The following PCDHA9 variants were observed in gnomAD, a reference collection of about 807,000 sequenced individuals.
PCDHA9 encodes the protein protocadherin alpha 9.
Under a neutral mutation model 62.0 loss-of-function variants are expected in PCDHA9, and 62 were observed. The ratio of observed to expected loss-of-function variants is 1.00; its 90% confidence interval spans 0.81 to 1.23. The LOEUF is 1.23. Among genes scored for constraint, PCDHA9 ranks in the 50% most tolerant of loss-of-function variants. The pLI is 0.00. For missense variants in PCDHA9, 1,205 were observed against 1,249.8 expected (o/e 0.96, Z 0.54); for synonymous variants, 557 against 567.6 (o/e 0.98, Z 0.27).
intron 1 of PCDHA9, chr5:140,864,371 G>C (rs1005201982): frequency 6.6e-6 from 1 of 151,926 alleles, no homozygotes; most frequent in Non-Finnish European, 1.5e-5. Context: ...TTCTATAATC[G>C]ATAAGTTTAT....
Position 141,009,742 on chromosome 5 carries a change from C to A in PCDHA9, c.2658C>A (p.Asp886Glu). 6.2e-7 allele frequency: 1 copy of A among 1,614,160 alleles called. No individual in the cohort carries two copies. Among genetic ancestry groups the A allele is most frequent in the Non-Finnish European group, 8.5e-7 (1 of 1,180,038 alleles). The part of the protein sequence containing the change: ...PKQSGPGELP[D>E]KFIIPGSPAI... ...AATCCGGTCCCGGTGAGTTGCCCGA[C>A]AAATTCATTATCCCAGGATCTCCTG... is the stretch of plus-strand genomic sequence containing the variant. The change falls in exon 4 of 4, where the codon GAC becomes GAA. Residue 886 changes from aspartate to glutamate, a missense_variant. By Grantham distance (45) the Asp-to-Glu change is conservative. Around this residue, in one of 3 missense-constraint regions of PCDHA9, gnomAD observed 887 missense variants for 809.5 expected, o/e 1.10. Coordinates refer to ENST00000532602, the MANE Select transcript of PCDHA9 (RefSeq NM_031857.2).
At chr5:141,004,564 T>C (rs1205705593) in intron 3 of PCDHA9, among the ~76,000 whole-genome samples, 1 of 152,196 alleles carries the variant, frequency 6.6e-6, no homozygotes, top group Non-Finnish European at 1.5e-5. Flanking sequence ...AAGATGAACA[T>C]ATCTCTGTGT....
intron 3 of PCDHA9, among the ~76,000 whole-genome samples, chr5:140,989,792 C>T (rs1324674581): frequency 6.6e-6 from 1 of 152,142 alleles, no homozygotes; most frequent in African/African-American, 2.4e-5. Flanking sequence ...CTAGAGGCCC[C>T]CAGGAAAGGG....
intron 1 of PCDHA9, chr5:140,865,437 T>C (rs951308725): frequency 3.3e-5 from 5 of 152,200 alleles, no homozygotes; most frequent in Non-Finnish European, 7.3e-5. Context: ...GAAAAATAAC[T>C]TCTGAGAAGA....
chr5:140,964,701 C>T (rs1228970267), intron 1 of PCDHA9, among the ~76,000 whole-genome samples: 2 of 151,776 alleles, frequency 1.3e-5, no homozygotes, highest in Non-Finnish European at 2.9e-5. Context: ...GAGATTAAGG[C>T]CTCCGAGATC....
At chr5:140,876,278 C>A (rs1554168451) in intron 1 of PCDHA9, 1 of 1,614,030 alleles carries the variant, frequency 6.2e-7, no homozygotes, top group South Asian at 1.1e-5. Flanking sequence ...GCTTCCGATC[C>A]AGACGAAGGA....
chr5:140,884,745 A>G (rs1479357916), intron 1 of PCDHA9: 20 of 1,431,734 alleles, frequency 1.4e-5, no homozygotes, highest in Non-Finnish European at 1.7e-5. Context: ...TTTCCTGCCA[A>G]TTTCAAATTA....
Position 140,855,963 on chromosome 5 carries a change from A to T in PCDHA9, c.2394+5074A>T, listed in dbSNP as rs1291137660. The stretch of plus-strand genomic sequence containing the variant: ...TCTCAGCCATTTCGATAAAAAATAG[A>T]TATAAGAAATAGGACAGAAAATGTC... On this transcript the variant is annotated intron_variant, in intron 1 of 3. Transcript: ENST00000532602. The T allele has an allele frequency of 2.8e-6, 4 of 1,404,280 alleles. No individual in the cohort carries two copies. In the African/African-American group the frequency reaches 5.7e-5, roughly 20 times the overall value. The allele number at this position is 1,404,280 out of a possible 1,614,324, so 87.0% of individuals were successfully genotyped here. A position where few individuals can be genotyped will look rare whatever the true frequency, so the allele number is the denominator to read the frequency against.
chr5:140,978,845 T>C, intron 1 of PCDHA9, 104 bp from the exon 2 acceptor site: 7 of 1,569,708 alleles, frequency 4.5e-6, no homozygotes, highest in Non-Finnish European at 6.1e-6. Flanking sequence ...AATACTTTTT[T>C]AGATGCCTGG....
chr5:141,008,036 C>G (rs1372261299), intron 3 of PCDHA9, among the ~76,000 whole-genome samples: 1 of 151,938 alleles, frequency 6.6e-6, no homozygotes, highest in Non-Finnish European at 1.5e-5. Context: ...GTTAATCTGC[C>G]TTTTGTAACA....
intron 1 of PCDHA9, chr5:140,870,179 G>T (rs184228916): frequency 2.5e-6 from 4 of 1,613,986 alleles, no homozygotes; most frequent in African/African-American, 2.7e-5. Context: ...CTCCCAGTAC[G>T]AGAGGACGCT....
At chr5:140,910,116 A>C (rs1205054200) in intron 1 of PCDHA9, among the ~76,000 whole-genome samples, 1 of 152,222 alleles carries the variant, frequency 6.6e-6, no homozygotes, top group Non-Finnish European at 1.5e-5. Flanking sequence ...AAGGGATTCT[A>C]GGTCTGTAAA....
intron 1 of PCDHA9, among the ~76,000 whole-genome samples, chr5:140,955,431 AG>A (rs1273972601): frequency 1.3e-5 from 2 of 152,194 alleles, no homozygotes; most frequent in East Asian, 3.9e-4. Flanking sequence ...AGTTCTCATT[AG>A]GTCTGATGGT....
At chr5:140,857,758 C>T (rs1562528719) in intron 1 of PCDHA9, 2 of 1,597,374 alleles carry the variant, frequency 1.3e-6, no homozygotes, top group Admixed American at 1.7e-5. Flanking sequence ...CTCCCGCTGG[C>T]AGCGCGGGCG....
chr5:140,862,503 A>T (rs2047399158), intron 1 of PCDHA9: 5 of 398,958 alleles, frequency 1.3e-5, no homozygotes, highest in Non-Finnish European at 2.5e-5. Context: ...CGGAATGGGG[A>T]CTCGCTTTCA....
At chr5:140,883,986 C>T in intron 1 of PCDHA9, 1 of 1,612,808 alleles carries the variant, frequency 6.2e-7, no homozygotes, top group Non-Finnish European at 8.5e-7. Flanking sequence ...GCTGGCAGCG[C>T]GGGAGGCACA....
intron 1 of PCDHA9, chr5:140,882,210 CAGTTTG>C (rs1332497676): frequency 6.5e-7 from 1 of 1,533,604 alleles, no homozygotes; most frequent in African/African-American, 1.4e-5. Flanking sequence ...CCTTGAGAGA[CAGTTTG>C]AGGTAAGGCG....
At position 140,970,091 on chromosome 5, in the gene PCDHA9, G is replaced by A. The variant is rs542039822; in HGVS notation, c.2395-8858G>A. ...AATGAGTGGATTAGGGGTGTGGGGG[G>A]ATGGTGAAGACCAAGAGAAGCTGGG... On this transcript the variant is annotated intron_variant, in intron 1 of 3. Coordinates refer to ENST00000532602, the MANE Select transcript of PCDHA9 (RefSeq NM_031857.2). 3.9e-4 allele frequency among the ~76,000 whole-genome samples: 59 copies of A among 152,258 alleles called. 1 individual carries two copies. Among genetic ancestry groups the A allele is most frequent in the Admixed American group, 1.1e-3 (17 of 15,292 alleles).
intron 1 of PCDHA9, among the ~76,000 whole-genome samples, chr5:140,943,273 A>AG (rs1157586895): frequency 6.7e-6 from 1 of 150,362 alleles, no homozygotes; most frequent in Non-Finnish European, 1.5e-5. Flanking sequence ...AAAAAAAAAA[A>AG]AAAAGAAAGA....
Sources: allele counts gnomAD v4.1 joint callset (sites outside exome capture counted in the v4.1 genomes callset), GRCh38; gene constraint gnomAD v4.1.1; regional missense constraint gnomAD v4.1.1; transcripts MANE v1.5; gene names NCBI Gene and HGNC (gene_info 2026-07-23, HGNC 2026-07-21).